Variants in MAGI3 observed in about 807,000 individuals in gnomAD.
The protein encoded by MAGI3 is membrane associated guanylate kinase, WW and PDZ domain containing 3.
A neutral mutation model predicts 121.8 loss-of-function variants in MAGI3; 43 were observed. The observed-to-expected ratio is 0.35, with a 90% CI of 0.28 to 0.46. The LOEUF (loss-of-function observed/expected upper bound fraction) is 0.46. MAGI3 is among the 20% of genes least tolerant of loss of function. MAGI3 has a pLI of 1.00. For synonymous variants in MAGI3, 553 were observed against 639.3 expected, an observed-to-expected ratio of 0.86 and a Z score of 2.04; for missense variants, 1,547 against 1,797.3, an observed-to-expected ratio of 0.86 and a Z score of 2.52.
At chr1:113,426,978 A>G (rs1653041309) in intron 1 of MAGI3, among the ~76,000 whole-genome samples, 1 of 151,992 alleles carries the variant, frequency 6.6e-6, no homozygotes, top group Admixed American at 6.5e-5. Context: ...ATGATCATAT[A>G]TATGTCTCTC....
intron 9 of MAGI3, among the ~76,000 whole-genome samples, chr1:113,634,638 C>G (rs1476859045): frequency 6.6e-6 from 1 of 152,106 alleles, no homozygotes; most frequent in South Asian, 2.1e-4. Context: ...GTTACTGTAG[C>G]CTTGTAGTAG....
At chr1:113,575,911 G>A (rs1159044646) in intron 2 of MAGI3, among the ~76,000 whole-genome samples, 1 of 152,188 alleles carries the variant, frequency 6.6e-6, no homozygotes, top group Non-Finnish European at 1.5e-5. Context: ...ATCTAGAGAG[G>A]CAGTCTGGCC....
At chr1:113,594,595 T>G (rs1648884623) in intron 6 of MAGI3, 35 bp downstream of exon 6, 1 of 1,539,738 alleles carries the variant, frequency 6.5e-7, no homozygotes, top group Non-Finnish European at 8.9e-7. Flanking sequence ...TCATACTTAT[T>G]CTCTTAATCC....
rs1648303064 is a variant in MAGI3, at chr1:113,682,894, T to A, written c.3329-3T>A. ...TAATGTTCCATTCAAATCACTTTTT[T>A]AGGTGATTGGGATATTAATAATCCT... is the stretch of plus-strand genomic sequence containing the variant. On this transcript the variant is annotated splice_region_variant and splice_polypyrimidine_tract_variant and intron_variant, in intron 20 of 20. Transcript: ENST00000307546. 1.3e-6 allele frequency: 2 copies of A among 1,558,332 alleles called. No individual in the cohort carries two copies. Among genetic ancestry groups the A allele is most frequent in the African/African-American group, 1.4e-5 (1 of 72,326 alleles).
intron 9 of MAGI3, among the ~76,000 whole-genome samples, chr1:113,632,813 C>A (rs1239824825): frequency 6.6e-6 from 1 of 152,074 alleles, no homozygotes; most frequent in Non-Finnish European, 1.5e-5. Context: ...TAACATCATT[C>A]TAATCTTCAG....
intron 1 of MAGI3, among the ~76,000 whole-genome samples, chr1:113,402,135 G>T (rs1207667247): frequency 6.6e-6 from 1 of 152,112 alleles, no homozygotes; most frequent in African/African-American, 2.4e-5. Flanking sequence ...TCTGGCATAA[G>T]AATTTGTGTA....
chr1:113,486,280 T>TAA (rs1325139823), intron 1 of MAGI3, among the ~76,000 whole-genome samples: 1 of 152,228 alleles, frequency 6.6e-6, no homozygotes, highest in African/African-American at 2.4e-5. Context: ...ATTGAATTTG[T>TAA]AGATTGCTTT....
At chr1:113,644,174 T>C (rs1570990683) in intron 11 of MAGI3, among the ~76,000 whole-genome samples, 1 of 152,332 alleles carries the variant, frequency 6.6e-6, no homozygotes, top group East Asian at 1.9e-4. Flanking sequence ...AGAGAAGACG[T>C]ACTAGTTCAC....
chr1:113,584,314 G>A (rs894056282), intron 3 of MAGI3, among the ~76,000 whole-genome samples: 9 of 152,022 alleles, frequency 5.9e-5, no homozygotes, highest in African/African-American at 1.7e-4. Context: ...ATTATTTGGC[G>A]GCCTAGTGGG....
At chr1:113,557,478 C>T (rs542860615) in intron 2 of MAGI3, among the ~76,000 whole-genome samples, 7 of 152,074 alleles carry the variant, frequency 4.6e-5, no homozygotes, top group South Asian at 2.1e-4. Context: ...GACTCTGATC[C>T]GCTCCTCATC....
At chr1:113,655,078 A>T (rs1263216620) in intron 15 of MAGI3, among the ~76,000 whole-genome samples, 1 of 152,232 alleles carries the variant, frequency 6.6e-6, no homozygotes, top group Non-Finnish European at 1.5e-5. Flanking sequence ...TTCCCAAAGC[A>T]GTTGCCATGG....
intron 7 of MAGI3, among the ~76,000 whole-genome samples, chr1:113,614,898 A>G (rs955459223): frequency 2.6e-5 from 4 of 152,124 alleles, no homozygotes; most frequent in East Asian, 1.9e-4. Flanking sequence ...ATTAATAGCT[A>G]GAGATGGTAT....
At chr1:113,442,258 T>A (rs983912279) in intron 1 of MAGI3, among the ~76,000 whole-genome samples, 1 of 152,156 alleles carries the variant, frequency 6.6e-6, no homozygotes, top group African/African-American at 2.4e-5. Flanking sequence ...AGGCAGAAGA[T>A]ATGTTGAGAA....
chr1:113,664,363 A>C (rs1478601143), intron 16 of MAGI3, among the ~76,000 whole-genome samples: 1 of 152,190 alleles, frequency 6.6e-6, no homozygotes, highest in Non-Finnish European at 1.5e-5. Flanking sequence ...TTCCCTATAG[A>C]CAGTCACATT....
chr1:113,671,865 G>GT, intron 17 of MAGI3, 29 bp downstream of exon 17: 1 of 1,596,820 alleles, frequency 6.3e-7, no homozygotes, highest in Non-Finnish European at 8.6e-7. Flanking sequence ...TTTTGTTTTT[G>GT]TTTTTTTCTT....
At chr1:113,436,458 A>T (rs554967499) in intron 1 of MAGI3, among the ~76,000 whole-genome samples, 3 of 152,156 alleles carry the variant, frequency 2.0e-5, no homozygotes, top group East Asian at 1.9e-4. Context: ...AGTGAATTTT[A>T]TTCTGTGTTT....
At chr1:113,573,072 C>CTA (rs1309614805) in intron 2 of MAGI3, among the ~76,000 whole-genome samples, 4 of 152,044 alleles carry the variant, frequency 2.6e-5, no homozygotes, top group Admixed American at 1.3e-4. Context: ...ACTACAGGTG[C>CTA]CCGCCACTAC....
intron 1 of MAGI3, among the ~76,000 whole-genome samples, chr1:113,453,196 A>C (rs978703429): frequency 2.0e-5 from 3 of 152,132 alleles, no homozygotes; most frequent in African/African-American, 7.2e-5. Context: ...GAATTACATA[A>C]ATTGATATAA....
chr1:113,473,943 T>A (rs1655673040), intron 1 of MAGI3, among the ~76,000 whole-genome samples: 1 of 152,208 alleles, frequency 6.6e-6, no homozygotes, highest in Non-Finnish European at 1.5e-5. Context: ...TTCCTGAATT[T>A]TTAATGATTG....
Sources: allele counts gnomAD v4.1 joint callset (sites outside exome capture counted in the v4.1 genomes callset), GRCh38; gene constraint gnomAD v4.1.1; transcripts MANE v1.5; gene names NCBI Gene and HGNC (gene_info 2026-07-23, HGNC 2026-07-21).